MDGA1: variants seen among roughly 807,000 people sequenced by gnomAD.
MDGA1 encodes the protein MAM domain-containing glycosylphosphatidylinositol anchor protein 1.
Under a neutral mutation model 101.5 loss-of-function variants are expected in MDGA1, and 54 were observed. The ratio of observed to expected loss-of-function variants is 0.53; its 90% confidence interval spans 0.43 to 0.67. The LOEUF is 0.67. Among genes scored for constraint, MDGA1 ranks in the 30% least tolerant of loss-of-function variants. The pLI, the probability that MDGA1 is intolerant of heterozygous loss-of-function variation, is 0.00. For synonymous variants in MDGA1, 533 were observed against 558.3 expected, an observed-to-expected ratio of 0.95 and a Z score of 0.64; for missense variants, 1,083 against 1,323.8, an observed-to-expected ratio of 0.82 and a Z score of 2.82.
rs151307834 is a variant in MDGA1, at chr6:37,646,287, C to T, written c.2135G>A (p.Arg712His). The T allele has an allele frequency of 3.5e-4, 565 of 1,602,732 alleles. 3 individuals carry two copies. The Middle Eastern group carries it at 6.3e-3, about 18-fold the overall frequency. Residue 712 changes from arginine to histidine, a missense_variant, in exon 11 of 17, where the codon CGT becomes CAT. Around this residue, in one of 3 missense-constraint regions of MDGA1, gnomAD observed 657 missense variants for 771.4 expected, o/e 0.85. Transcript: ENST00000434837. ...GCGGACCTCATAGCTGTGGGGCACA[C>T]GGAGATCGGTCAGGATGTACTCCAG... ...QLLEYILTDL[R>H]VPHSYEVRLT...
chr6:37,654,281 C>T lies in MDGA1; in HGVS notation c.975G>A (p.Leu325=), dbSNP rs1761431587. The T allele has an allele frequency of 1.3e-6, 2 of 1,546,502 alleles. No individual in the cohort carries two copies. Among genetic ancestry groups the T allele is most frequent in the Non-Finnish European group, 1.7e-6 (2 of 1,145,514 alleles). ...CCTTCTGAGGCCACGTACATCGCAC[C>T]AGCAGGTTGACAGTCTTCTTGGCAG... The part of the protein sequence containing the change: ...GNPAKKTVNL[L]VRSMKNATFQ... The change falls in exon 6 of 17, where the codon CTG becomes CTA. Residue 325 remains leucine, a synonymous_variant. Coordinates refer to ENST00000434837, the MANE Select transcript of MDGA1 (RefSeq NM_153487.4).
rs1217141659 is a variant in MDGA1, at chr6:37,635,641, T to C, written c.*1727A>G. 2.3e-5 allele frequency: 9 copies of C among 398,594 alleles called. No individual in the cohort carries two copies. The highest frequency in any genetic ancestry group is 1.4e-4 in the African/African-American group (7 of 48,636). 24.7% of individuals were successfully genotyped at this position (398,594 alleles called of 1,614,324 possible). A position where few individuals can be genotyped will look rare whatever the true frequency, so the allele number is the denominator to read the frequency against. ...CCCCGCCTGCCTCCTGGCACTGCAGTGCTGCCCGAGTTCCAGGCCTCTTCT... is the reference window on the plus strand; with the variant it reads ...CCCCGCCTGCCTCCTGGCACTGCAGCGCTGCCCGAGTTCCAGGCCTCTTCT... On this transcript the variant is annotated 3_prime_UTR_variant, in exon 17 of 17. Transcript: ENST00000434837.
rs761359200 is a variant in MDGA1, at chr6:37,637,347, G to T, written c.*21C>A. The T allele has an allele frequency of 9.4e-6, 15 of 1,593,412 alleles. No individual in the cohort carries two copies. The highest frequency in any genetic ancestry group is 1.7e-6 in the Non-Finnish European group (2 of 1,162,294). On this transcript the variant is annotated 3_prime_UTR_variant, in exon 17 of 17. Coordinates refer to ENST00000434837, the MANE Select transcript of MDGA1 (RefSeq NM_153487.4). ...TTGGTGTGCCGGGGGCAAGGTTGGG[G>T]GGGTGGCCACACAGCTCTCATCATC...
chr6:37,649,342 C>G (rs1398712730), intron 8 of MDGA1, 76 bp from the exon 9 acceptor site: 8 of 1,405,394 alleles, frequency 5.7e-6, no homozygotes, highest in Non-Finnish European at 7.3e-6. Flanking sequence ...GGGGAGGCAA[C>G]GCGCTCGCCT....
chr6:37,631,220 T>G lies in MDGA1; in HGVS notation c.*6148A>C, dbSNP rs1763819059. 1 of 152,202 alleles carries G rather than the reference T, an allele frequency of 6.6e-6. No individual in the cohort carries two copies. The allele number at this position is 152,202 out of a possible 1,614,324, so 9.4% of individuals were successfully genotyped here. A position where few individuals can be genotyped will look rare whatever the true frequency, so the allele number is the denominator to read the frequency against. Reference sequence around the variant, plus strand: ...TCTGGTTCAGGAAAACCATCCCTGTTGCAACTCCTGTTTGGATTTCTGAGT... The same window carrying G: ...TCTGGTTCAGGAAAACCATCCCTGTGGCAACTCCTGTTTGGATTTCTGAGT... On this transcript the variant is annotated 3_prime_UTR_variant, in exon 17 of 17. Coordinates refer to ENST00000434837, the MANE Select transcript of MDGA1 (RefSeq NM_153487.4).
Position 37,638,073 on chromosome 6 carries a change from C to G in MDGA1, c.2776+132G>C. On this transcript the variant is annotated intron_variant, in intron 16 of 16. Transcript: ENST00000434837. This position sits in a 1 kb window ranked among gnomAD's most constrained non-coding sequence, Gnocchi z 4.8. ...GGGGCACACCTTCACACAGTCAGAG[C>G]CACATGATTCCCATCACTCAGACAT... 1 of 733,804 alleles carries G rather than the reference C, an allele frequency of 1.4e-6. No individual in the cohort carries two copies. The highest frequency in any genetic ancestry group is 2.4e-6 in the Non-Finnish European group (1 of 410,152). The allele number at this position is 733,804 out of a possible 1,614,324, so 45.5% of individuals were successfully genotyped here.
intron 1 of MDGA1, among the ~76,000 whole-genome samples, chr6:37,675,323 G>T (rs1355581481): frequency 6.6e-6 from 1 of 152,180 alleles, no homozygotes; most frequent in East Asian, 1.9e-4. Flanking sequence ...TACATCTCAG[G>T]CTTCAATGGA....
chr6:37,649,274 C>T lies in MDGA1; in HGVS notation c.1610-8G>A, dbSNP rs373812833. 6.5e-4 allele frequency: 966 copies of T among 1,479,070 alleles called. 9 individuals carry two copies. In the African/African-American group the frequency reaches 0.012, roughly 18 times the overall value. 91.6% of individuals were successfully genotyped at this position (1,479,070 alleles called of 1,614,324 possible). On this transcript the variant is annotated splice_region_variant and splice_polypyrimidine_tract_variant and intron_variant, in intron 8 of 16. Coordinates refer to ENST00000434837, the MANE Select transcript of MDGA1 (RefSeq NM_153487.4). ...GCTCCACCTCCGGCGGGACTGGGGG[C>T]GGGAGCGGCGGTCAGCGGGGCCTCT... is the stretch of plus-strand genomic sequence containing the variant.
chr6:37,644,681 T>G, intron 12 of MDGA1, 32 bp from the exon 13 acceptor site: 2 of 1,500,046 alleles, frequency 1.3e-6, no homozygotes, highest in Non-Finnish European at 1.8e-6. Context: ...AGACAAAGAG[T>G]CAGCCTCTTC....
intron 1 of MDGA1, among the ~76,000 whole-genome samples, chr6:37,686,322 C>T (rs1762195962): frequency 6.6e-6 from 1 of 151,616 alleles, no homozygotes; most frequent in Non-Finnish European, 1.5e-5. Flanking sequence ...GGCAGGGTTC[C>T]CAACCTTTGC....
intron 8 of MDGA1, chr6:37,649,870 A>ATTTTTTTTTTTTT: frequency 1.6e-6 from 1 of 635,424 alleles, no homozygotes; most frequent in Non-Finnish European, 2.9e-6. Flanking sequence ...AAATCAAGTA[A>ATTTTTTTTTTTTT]TTTTTTTTTT....
intron 1 of MDGA1, among the ~76,000 whole-genome samples, chr6:37,689,201 C>G (rs184305982): frequency 2.2e-4 from 34 of 152,258 alleles, no homozygotes; most frequent in African/African-American, 6.7e-4. Context: ...CATTGGTGCT[C>G]CCCAGGGCTC....
intron 1 of MDGA1, among the ~76,000 whole-genome samples, chr6:37,685,092 A>G (rs901517067): frequency 6.6e-6 from 1 of 152,142 alleles, no homozygotes; most frequent in South Asian, 2.1e-4. Flanking sequence ...GCTTGAGCCC[A>G]GGAATTTGAG....
At chr6:37,647,715 G>A (rs919436582) in intron 9 of MDGA1, among the ~76,000 whole-genome samples, 1 of 151,748 alleles carries the variant, frequency 6.6e-6, no homozygotes, top group Non-Finnish European at 1.5e-5. Context: ...GAAAGAGAAG[G>A]GAGAGGAGGG....
chr6:37,668,423 G>A lies in MDGA1; in HGVS notation c.68-4317C>T, dbSNP rs560930687. Among the ~76,000 whole-genome samples the A allele has an allele frequency of 1.8e-4, 27 of 152,082 alleles. No individual in the cohort carries two copies. The South Asian group carries it at 5.4e-3, about 30-fold the overall frequency. ...TCCTGGGTATGTACCCAGTAGAAATGAGTACTTATGGCAACCAAACAATAA... is the reference window on the plus strand; with the variant it reads ...TCCTGGGTATGTACCCAGTAGAAATAAGTACTTATGGCAACCAAACAATAA... On this transcript the variant is annotated intron_variant, in intron 1 of 16. Transcript: ENST00000434837.
rs1223029769 is a variant in MDGA1 at position 37,631,055 on chromosome 6, C to T, written c.*6313G>A. 1 of 152,214 alleles carries T rather than the reference C, an allele frequency of 6.6e-6. No individual in the cohort carries two copies. Among genetic ancestry groups the T allele is most frequent in the Non-Finnish European group, 1.5e-5 (1 of 68,044 alleles). The allele number at this position is 152,214 out of a possible 1,614,324, so 9.4% of individuals were successfully genotyped here. ...AGAGGAAGGGAATTAGACTCTGCCT[C>T]TCTACAGGAAGGATAACATGGGATT... On this transcript the variant is annotated 3_prime_UTR_variant, in exon 17 of 17. Transcript: ENST00000434837.
chr6:37,658,409 G>T lies in MDGA1; in HGVS notation c.218C>A (p.Thr73Asn). 6.2e-7 allele frequency: 1 copy of T among 1,608,730 alleles called. No individual in the cohort carries two copies. ...TGHPRPQVRW[T>N]KTAGSASDKF... ...GTCCGAGGCGCTACCTGCCGTCTTGGTCCACCGTACCTGGGCCGCCAGGCG... is the reference window on the plus strand; with the variant it reads ...GTCCGAGGCGCTACCTGCCGTCTTGTTCCACCGTACCTGGGCCGCCAGGCG... Residue 73 changes from threonine to asparagine, a missense_variant, in exon 3 of 17, where the codon ACC becomes AAC. This residue lies in a region of MDGA1 where 310 missense variants were observed against 355.9 expected (regional missense o/e 0.87). Transcript: ENST00000434837.
chr6:37,696,884 C>T lies in MDGA1; in HGVS notation c.-73G>A. ...CGGCGGGGGGCGCATTCGCCGGGGC[C>T]CCGCGACGCCCCTATGTCCCCCCCT... On this transcript the variant is annotated 5_prime_UTR_variant, in exon 1 of 17. Coordinates refer to ENST00000434837, the MANE Select transcript of MDGA1 (RefSeq NM_153487.4). The surrounding 1 kb of genome is among the most constrained non-coding windows in gnomAD (Gnocchi z 5.6). The T allele has an allele frequency of 1.6e-6, 2 of 1,232,352 alleles. No homozygotes were observed. The highest frequency in any genetic ancestry group is 2.3e-6 in the Non-Finnish European group (2 of 858,226). 76.3% of individuals were successfully genotyped at this position (1,232,352 alleles called of 1,614,324 possible).
At chr6:37,679,381 T>C (rs1581623951) in intron 1 of MDGA1, among the ~76,000 whole-genome samples, 1 of 151,676 alleles carries the variant, frequency 6.6e-6, no homozygotes, top group Non-Finnish European at 1.5e-5. Flanking sequence ...GAAAATGGGG[T>C]CTGGAATGGA....
Sources: allele counts gnomAD v4.1 joint callset (sites outside exome capture counted in the v4.1 genomes callset), GRCh38; gene constraint gnomAD v4.1.1; regional missense constraint gnomAD v4.1.1; non-coding constraint Gnocchi (gnomAD v3.1); transcripts MANE v1.5; gene names NCBI Gene and HGNC (gene_info 2026-07-23, HGNC 2026-07-21).